The following SNX29 variants were observed in gnomAD, a reference collection of about 807,000 sequenced individuals.
The protein encoded by SNX29 is sorting nexin-29.
Under a neutral mutation model 102.1 loss-of-function variants are expected in SNX29, and 78 were observed. The observed-to-expected ratio is 0.76, with a 90% CI of 0.64 to 0.92. The LOEUF (loss-of-function observed/expected upper bound fraction) is 0.92, where lower values mean the gene tolerates loss of function less well. Ranked by LOEUF, SNX29 falls within the 40% of genes least tolerant of loss-of-function variation. SNX29 has a pLI of 0.00. For missense variants in SNX29, 1,280 were observed against 1,061.7 expected, an observed-to-expected ratio of 1.21 and a Z score of -2.86; for synonymous variants, 580 against 414.5, an observed-to-expected ratio of 1.40 and a Z score of -4.85.
At chr16:12,299,494 G>A (rs1255406167) in intron 15 of SNX29, among the ~76,000 whole-genome samples, 2 of 152,074 alleles carry the variant, frequency 1.3e-5, no homozygotes, top group Non-Finnish European at 2.9e-5. Flanking sequence ...GGTGTTCTAG[G>A]CCCTTCTTGT....
chr16:12,540,515 G>A (rs987317154), intron 20 of SNX29, among the ~76,000 whole-genome samples: 1 of 152,208 alleles, frequency 6.6e-6, no homozygotes, highest in African/African-American at 2.4e-5. Context: ...CGAGGTTGTG[G>A]GGCAGAATTT....
chr16:11,977,302 C>G (rs3851004), intron 1 of SNX29: 1 of 156,022 alleles, frequency 6.4e-6, no homozygotes, highest in African/African-American at 2.4e-5. Flanking sequence ...CCAGTACCCC[C>G]GTGTCCCAGG....
chr16:12,468,321 C>T (rs1025237220), intron 18 of SNX29, among the ~76,000 whole-genome samples: 5 of 151,804 alleles, frequency 3.3e-5, no homozygotes, highest in South Asian at 2.1e-4. Flanking sequence ...ATTATAGGCA[C>T]CCGCCACCAT....
chr16:12,510,884 C>T (rs1278007440), intron 19 of SNX29, among the ~76,000 whole-genome samples: 1 of 152,102 alleles, frequency 6.6e-6, no homozygotes, highest in Non-Finnish European at 1.5e-5. Flanking sequence ...GTGCCAAGCA[C>T]CGTGGAGGGT....
intron 13 of SNX29, among the ~76,000 whole-genome samples, chr16:12,162,870 C>T (rs935764335): frequency 1.3e-5 from 2 of 151,786 alleles, no homozygotes; most frequent in African/African-American, 2.4e-5. Context: ...TATCACACAA[C>T]ATAGTTGTTG....
intron 19 of SNX29, among the ~76,000 whole-genome samples, chr16:12,519,810 C>G (rs1399936212): frequency 1.3e-5 from 2 of 152,056 alleles, no homozygotes; most frequent in Non-Finnish European, 2.9e-5. Flanking sequence ...GAGTTCGAGA[C>G]CAGCCTGGCC....
chr16:12,174,026 C>A (rs757166981), intron 13 of SNX29, among the ~76,000 whole-genome samples: 6 of 152,228 alleles, frequency 3.9e-5, no homozygotes, highest in Non-Finnish European at 8.8e-5. Flanking sequence ...GTGGTCCCCC[C>A]CAACCTTGGC....
chr16:12,380,070 T>C (rs113249237), intron 16 of SNX29, among the ~76,000 whole-genome samples: 1 of 150,998 alleles, frequency 6.6e-6, no homozygotes, highest in African/African-American at 2.5e-5. Context: ...TACTTTCTGC[T>C]GCCAATGCCC....
chr16:12,425,502 A>C (rs141091157), intron 18 of SNX29, among the ~76,000 whole-genome samples: 1 of 143,336 alleles, frequency 7.0e-6, no homozygotes, highest in African/African-American at 2.5e-5. Flanking sequence ...AGTTTGGTCA[A>C]GTCCACACTA....
At chr16:12,545,778 A>G (rs1354616797) in intron 20 of SNX29, among the ~76,000 whole-genome samples, 1 of 151,700 alleles carries the variant, frequency 6.6e-6, no homozygotes, top group Non-Finnish European at 1.5e-5. Flanking sequence ...TTTAAACAGT[A>G]CCTTTCACCA....
At chr16:12,135,439 A>C (rs2054624416) in intron 13 of SNX29, 1 of 1,152,152 alleles carries the variant, frequency 8.7e-7, no homozygotes. Context: ...GGGTTGCTCC[A>C]TCCATGAGGG....
intron 19 of SNX29, among the ~76,000 whole-genome samples, chr16:12,504,680 A>C (rs904284777): frequency 6.6e-6 from 1 of 152,234 alleles, no homozygotes; most frequent in African/African-American, 2.4e-5. Context: ...TTATTGTAAT[A>C]TATCGTTATA....
chr16:12,344,859 C>T (rs529830860), intron 15 of SNX29, among the ~76,000 whole-genome samples: 1 of 152,350 alleles, frequency 6.6e-6, no homozygotes, highest in East Asian at 1.9e-4. Context: ...GCAAGCCAGC[C>T]TGTAACCACT....
rs1248250707 is a variant in SNX29, at chr16:12,281,896, CTA to C, written c.1782+3862_1782+3863del. 1.1e-4 allele frequency among the ~76,000 whole-genome samples: 17 copies of C among 151,990 alleles called. No homozygotes were observed. In the South Asian group the frequency reaches 3.5e-3, roughly 32 times the overall value. On this transcript the variant is annotated intron_variant, in intron 15 of 20. Transcript: ENST00000566228. ...GAGTAGCCTGGCCAACACGGGGAAACTATGTCTGCCAGATAGAATCTGTTTCC... is the reference window on the plus strand; with the variant it reads ...GAGTAGCCTGGCCAACACGGGGAAACTGTCTGCCAGATAGAATCTGTTTCC...
rs189542751 is a variant in SNX29, at chr16:12,339,159, G to C, written c.1783-17004G>C. Among the ~76,000 whole-genome samples, 404 of 152,228 alleles carry C rather than the reference G, an allele frequency of 2.7e-3. 1 individual carries two copies. The highest frequency in any genetic ancestry group is 4.4e-3 in the Non-Finnish European group (298 of 67,996). On this transcript the variant is annotated intron_variant, in intron 15 of 20. Transcript: ENST00000566228. ...GAGGCAGGTGGATCACCTGAGGTCA[G>C]GAGTTCAAGACCAGCCTGGCCAACA... is the stretch of plus-strand genomic sequence containing the variant.
intron 13 of SNX29, among the ~76,000 whole-genome samples, chr16:12,171,483 G>C (rs1460973208): frequency 6.6e-6 from 1 of 152,236 alleles, no homozygotes; most frequent in Non-Finnish European, 1.5e-5. Flanking sequence ...TTCAGAGGGA[G>C]GGCTCTAGGG....
chr16:12,160,686 A>G (rs775493024), intron 13 of SNX29, among the ~76,000 whole-genome samples: 119 of 147,660 alleles, frequency 8.1e-4, no homozygotes, highest in Non-Finnish European at 1.5e-3. Flanking sequence ...ACCACTGGAC[A>G]TGCACTTTAA....
chr16:12,142,513 A>C, intron 13 of SNX29, among the ~76,000 whole-genome samples: 1 of 152,180 alleles, frequency 6.6e-6, no homozygotes, highest in Non-Finnish European at 1.5e-5. Flanking sequence ...GTTTTCCTGC[A>C]GTTTGATGCT....
intron 13 of SNX29, among the ~76,000 whole-genome samples, chr16:12,168,673 A>G (rs1021696652): frequency 6.6e-6 from 1 of 152,120 alleles, no homozygotes; most frequent in African/African-American, 2.4e-5. Context: ...TTCATCTCTC[A>G]TCACACAGAG....
Sources: gnomAD v4.1 joint callset for allele counts (sites outside exome capture counted in the v4.1 genomes callset) on GRCh38, gnomAD v4.1.1 for gene constraint, MANE v1.5 for transcripts, NCBI Gene and HGNC (gene_info 2026-07-23, HGNC 2026-07-21) for gene names.